The following PAX7 variants were observed in gnomAD, a reference collection of about 807,000 sequenced individuals.
The protein encoded by PAX7 is paired box protein Pax-7.
PAX7 carries 18 observed loss-of-function variants against 50.7 expected under a neutral mutation model. The ratio of observed to expected loss-of-function variants is 0.36; its 90% CI spans 0.25 to 0.53. The LOEUF is 0.53. Ranked by LOEUF, PAX7 falls within the 20% of genes least tolerant of loss-of-function variation. The pLI is 0.93. For synonymous variants in PAX7, 310 were observed against 290.4 expected (o/e 1.07, Z -0.69); for missense variants, 644 against 702.9 (o/e 0.92, Z 0.95).
chr1:18,698,321 AAAC>A (rs1212148686), intron 5 of PAX7, among the ~76,000 whole-genome samples: 1 of 151,876 alleles, frequency 6.6e-6, no homozygotes, highest in Non-Finnish European at 1.5e-5. Context: ...AAGGAAAACA[AAAC>A]AACATGATTA....
intron 4 of PAX7, among the ~76,000 whole-genome samples, chr1:18,666,757 C>T (rs1411832576): frequency 1.3e-5 from 2 of 152,218 alleles, no homozygotes; most frequent in Non-Finnish European, 2.9e-5. Flanking sequence ...TGGCTGCGCT[C>T]CACCTGGAGA....
At chr1:18,690,083 C>G (rs1368106755) in intron 4 of PAX7, among the ~76,000 whole-genome samples, 1 of 152,204 alleles carries the variant, frequency 6.6e-6, no homozygotes, top group Admixed American at 6.5e-5. Flanking sequence ...GATCTTCTAG[C>G]TTGACTCAGG....
At chr1:18,690,688 T>C (rs985395996) in intron 4 of PAX7, among the ~76,000 whole-genome samples, 1 of 152,196 alleles carries the variant, frequency 6.6e-6, no homozygotes, top group Non-Finnish European at 1.5e-5. Context: ...GCAACAGGCC[T>C]TCACCCACCC....
chr1:18,636,961 G>A lies in PAX7; in HGVS notation c.586+590G>A, dbSNP rs1318665150. Among the ~76,000 whole-genome samples the A allele has an allele frequency of 2.6e-5, 4 of 152,190 alleles. No individual in the cohort carries two copies. The highest frequency in any genetic ancestry group is 5.9e-5 in the Non-Finnish European group (4 of 68,030). On this transcript the variant is annotated intron_variant, in intron 4 of 8. Transcript: ENST00000420770. The surrounding 1 kb of genome is among the most constrained non-coding windows in gnomAD (Gnocchi z 5.1). ...TTGCCAGGGCGGACTGGGGGACAGA[G>A]AGTGCCTTCCTCTGTGGCGTGCGCC...
rs185024595 is a variant in PAX7 at position 18,730,732 on chromosome 1, C to T, written c.1156-4900C>T. ...CCCCTTCTTTTAAAGTAGGGGAGCG[C>T]GCCGGCATGTCCCAGGGGAGGGGGC... On this transcript the variant is annotated intron_variant, in intron 7 of 8. Transcript: ENST00000420770. Among the ~76,000 whole-genome samples the T allele has an allele frequency of 1.9e-3, 286 of 152,106 alleles. 1 individual carries two copies. The highest frequency in any genetic ancestry group is 6.5e-3 in the African/African-American group (268 of 41,472).
chr1:18,694,509 T>TAAAA (rs892799348), intron 5 of PAX7, among the ~76,000 whole-genome samples: 45 of 142,874 alleles, frequency 3.1e-4, no homozygotes, highest in Non-Finnish European at 5.9e-4. Flanking sequence ...AATAAATAAA[T>TAAAA]ATAAAATAAA....
At chr1:18,660,406 G>A (rs140842208) in intron 4 of PAX7, among the ~76,000 whole-genome samples, 1 of 152,224 alleles carries the variant, frequency 6.6e-6, no homozygotes, top group Non-Finnish European at 1.5e-5. Flanking sequence ...GACAAAATTA[G>A]GAGGGAGGAA....
In PAX7 at chr1:18,677,054, G is replaced by A. The variant is rs577902522; in HGVS notation, c.587-14700G>A. On this transcript the variant is annotated intron_variant, in intron 4 of 8. Transcript: ENST00000420770. ...GGGATGCCCCTCTGGGCAAGGTGAAGAGTCCTCTCATCTAAATGGGGCATG... is the reference window on the plus strand; with the variant it reads ...GGGATGCCCCTCTGGGCAAGGTGAAAAGTCCTCTCATCTAAATGGGGCATG... 1.2e-3 allele frequency among the ~76,000 whole-genome samples: 183 copies of A among 152,366 alleles called. 1 individual carries two copies. Among genetic ancestry groups the A allele is most frequent in the African/African-American group, 4.2e-3 (174 of 41,590 alleles).
At chr1:18,647,650 C>A (rs1028241362) in intron 4 of PAX7, among the ~76,000 whole-genome samples, 5 of 152,096 alleles carry the variant, frequency 3.3e-5, no homozygotes, top group African/African-American at 9.7e-5. Flanking sequence ...GGCTAGGAAG[C>A]GTAAATGCTA....
intron 7 of PAX7, among the ~76,000 whole-genome samples, chr1:18,715,600 G>A (rs1240299875): frequency 2.0e-5 from 3 of 152,178 alleles, no homozygotes; most frequent in African/African-American, 4.8e-5. Flanking sequence ...CAAGATGCAT[G>A]CTAGAATCCC....
In PAX7 at chr1:18,703,298, T is replaced by A. The variant is rs1398089642; in HGVS notation, c.1155+2T>A. The A allele has an allele frequency of 6.2e-7, 1 of 1,613,380 alleles. No individual in the cohort carries two copies. Among genetic ancestry groups the A allele is most frequent in the Non-Finnish European group, 8.5e-7 (1 of 1,179,890 alleles). On this transcript the variant is annotated splice_donor_variant, in intron 7 of 8. Transcript: ENST00000420770. LOFTEE classifies it high-confidence loss of function. The stretch of plus-strand genomic sequence containing the variant: ...GTCAGCAACGGCCTGTCTCCTCAGG[T>A]AGGTGGTCTCAGCCCAGCACCCAGG...
chr1:18,700,720 A>G lies in PAX7; in HGVS notation c.854A>G (p.Asn285Ser). The change falls in exon 6 of 9, where the codon AAC becomes AGC. Residue 285 changes from asparagine to serine, a missense_variant. Asn to Ser is a conservative substitution (Grantham distance 46, BLOSUM62 1). Coordinates refer to ENST00000420770, the MANE Select transcript of PAX7 (RefSeq NM_001135254.2). This position sits in a 1 kb window ranked among gnomAD's most constrained non-coding sequence, Gnocchi z 4.8. ...GGAGCCAACCAGCTGGCGGCGTTCA[A>G]CCACCTTCTGCCAGGAGGCTTCCCA... Reference protein sequence around the residue: ...QAGANQLAAFNHLLPGGFPPT... With the variant: ...QAGANQLAAFSHLLPGGFPPT... 6.2e-7 allele frequency: 1 copy of G among 1,602,010 alleles called. No individual in the cohort carries two copies. Among genetic ancestry groups the G allele is most frequent in the Non-Finnish European group, 8.5e-7 (1 of 1,175,052 alleles).
intron 4 of PAX7, among the ~76,000 whole-genome samples, chr1:18,639,395 A>ATATTT (rs1553133604): frequency 1.3e-4 from 20 of 149,320 alleles, no homozygotes; most frequent in South Asian, 1.1e-3. Flanking sequence ...GGCTGTTCAT[A>ATATTT]TTTTTTTTTT....
At chr1:18,653,271 G>A (rs1276990109) in intron 4 of PAX7, among the ~76,000 whole-genome samples, 2 of 152,002 alleles carry the variant, frequency 1.3e-5, no homozygotes, top group Admixed American at 6.6e-5. Context: ...ATGAATTGAG[G>A]AATCACAGTC....
chr1:18,724,341 G>A (rs944309593), intron 7 of PAX7, among the ~76,000 whole-genome samples: 2 of 152,252 alleles, frequency 1.3e-5, no homozygotes, highest in Non-Finnish European at 2.9e-5. Flanking sequence ...GGTGAAGGCA[G>A]TGGAGGGTCA....
At chr1:18,631,836 C>G in intron 1 of PAX7, 148 bp downstream of exon 1, 2 of 692,396 alleles carry the variant, frequency 2.9e-6, no homozygotes, top group Non-Finnish European at 4.9e-6. Flanking sequence ...GGCGCGGAAC[C>G]CAGGGAGTTT....
At chr1:18,647,492 G>C (rs552035752) in intron 4 of PAX7, among the ~76,000 whole-genome samples, 6 of 151,190 alleles carry the variant, frequency 4.0e-5, no homozygotes, top group South Asian at 4.2e-4. Context: ...TGGGCGGGGT[G>C]GGGGGGGAGA....
At chr1:18,709,968 CTTTA>C (rs1378433455) in intron 7 of PAX7, among the ~76,000 whole-genome samples, 1 of 152,198 alleles carries the variant, frequency 6.6e-6, no homozygotes, top group Non-Finnish European at 1.5e-5. Flanking sequence ...AAGGCTTTAC[CTTTA>C]TTTATTTGTG....
intron 4 of PAX7, among the ~76,000 whole-genome samples, chr1:18,647,586 A>C (rs1049246088): frequency 6.6e-6 from 1 of 152,170 alleles, no homozygotes; most frequent in African/African-American, 2.4e-5. Context: ...AAGCATTCTG[A>C]GATCCTAGAT....
Sources: gnomAD v4.1 joint callset for allele counts (sites outside exome capture counted in the v4.1 genomes callset) on GRCh38, gnomAD v4.1.1 for gene constraint, Gnocchi (gnomAD v3.1) non-coding constraint, MANE v1.5 for transcripts, NCBI Gene and HGNC (gene_info 2026-07-23, HGNC 2026-07-21) for gene names.